Variants in SUGCT observed in about 807,000 individuals in gnomAD.
The protein encoded by SUGCT is succinyl-CoA:glutarate-CoA transferase.
In SUGCT, 41 loss-of-function variants were observed where a neutral mutation model predicts 55.0. The observed-to-expected ratio is 0.74, with a 90% CI of 0.58 to 0.97. The LOEUF (loss-of-function observed/expected upper bound fraction) is 0.97. Among genes scored for constraint, SUGCT ranks in the 50% least tolerant of loss-of-function variants. SUGCT has a pLI of 0.00. For missense variants in SUGCT, 568 were observed against 547.8 expected (o/e 1.04, Z -0.37); for synonymous variants, 187 against 200.4 (o/e 0.93, Z 0.56).
At chr7:40,982,674 A>G in the SUGCT span, among the ~76,000 whole-genome samples, 7 of 151,570 alleles carry the variant, frequency 4.6e-5, no homozygotes, top group African/African-American at 1.7e-4. Flanking sequence ...TTTATTTTTT[A>G]GATAGAATCT....
the SUGCT span, among the ~76,000 whole-genome samples, chr7:40,946,078 C>T: frequency 4.7e-5 from 7 of 150,526 alleles, no homozygotes; most frequent in South Asian, 2.1e-4. Flanking sequence ...ATGATGCACG[C>T]GATGGTGATA....
intron 9 of SUGCT, among the ~76,000 whole-genome samples, chr7:40,335,838 C>T (rs1490544348): frequency 6.6e-6 from 1 of 152,070 alleles, no homozygotes; most frequent in African/African-American, 2.4e-5. Context: ...TTTTCAAAGG[C>T]AATGCTTCCA....
chr7:40,589,521 G>T (rs1188346573), intron 12 of SUGCT, among the ~76,000 whole-genome samples: 1 of 152,118 alleles, frequency 6.6e-6, no homozygotes, highest in African/African-American at 2.4e-5. Context: ...TTTTTATAGT[G>T]GCTTTAATCC....
chr7:40,487,637 G>T (rs536351080), intron 11 of SUGCT, among the ~76,000 whole-genome samples: 2 of 151,760 alleles, frequency 1.3e-5, no homozygotes, highest in African/African-American at 4.8e-5. Context: ...TTGTATTGCC[G>T]TTAATCTCTC....
intron 12 of SUGCT, among the ~76,000 whole-genome samples, chr7:40,742,295 A>T (rs563107453): frequency 6.6e-6 from 1 of 152,324 alleles, no homozygotes; most frequent in East Asian, 1.9e-4. Context: ...AAGAAGTAAG[A>T]TAACAAAAAA....
chr7:40,640,434 C>G (rs1365822707), intron 12 of SUGCT, among the ~76,000 whole-genome samples: 3 of 151,806 alleles, frequency 2.0e-5, no homozygotes, highest in Non-Finnish European at 2.9e-5. Context: ...ATTCAACAAG[C>G]ATTCTTATCT....
the SUGCT span, among the ~76,000 whole-genome samples, chr7:40,948,353 T>C: frequency 2.0e-5 from 3 of 152,174 alleles, no homozygotes; most frequent in Admixed American, 1.3e-4. Context: ...CATCATTCCA[T>C]GATTCATGCC....
chr7:40,339,166 T>A (rs1232655939), intron 9 of SUGCT, among the ~76,000 whole-genome samples: 1 of 152,012 alleles, frequency 6.6e-6, no homozygotes, highest in East Asian at 1.9e-4. Context: ...TACTGGGGGG[T>A]ACCTCCCAGT....
At chr7:40,900,301 T>A in the SUGCT span, among the ~76,000 whole-genome samples, 1 of 152,172 alleles carries the variant, frequency 6.6e-6, no homozygotes, top group South Asian at 2.1e-4. Flanking sequence ...TGACCAAGAT[T>A]TTGAATTGTG....
At chr7:40,339,733 G>C (rs114831833) in intron 9 of SUGCT, among the ~76,000 whole-genome samples, 2,936 of 152,214 alleles carry the variant, frequency 0.019, 89 homozygotes, top group African/African-American at 0.067. Context: ...GCTCACGCTG[G>C]GTGGGCTGCA....
Position 40,860,519 on chromosome 7 carries a change from A to T in SUGCT, c.*40A>T, listed in dbSNP as rs1468226044. ...TCTTCCTCATAACCTCGATCCGAAT[A>T]CACTGGCAAAGGCAACACTTTGCTT... is the stretch of plus-strand genomic sequence containing the variant. On this transcript the variant is annotated 3_prime_UTR_variant, in exon 14 of 14. Coordinates refer to ENST00000335693, the MANE Select transcript of SUGCT (RefSeq NM_001193313.2). 3 of 1,579,652 alleles carry T rather than the reference A, an allele frequency of 1.9e-6. No individual in the cohort carries two copies. Among genetic ancestry groups the T allele is most frequent in the Non-Finnish European group, 2.6e-6 (3 of 1,160,318 alleles).
chr7:40,875,325 A>G, the SUGCT span, among the ~76,000 whole-genome samples: 1 of 152,212 alleles, frequency 6.6e-6, no homozygotes, highest in African/African-American at 2.4e-5. Flanking sequence ...TTCTGGTTTT[A>G]GTCAAAAAAG....
the SUGCT span, among the ~76,000 whole-genome samples, chr7:40,888,428 C>T: frequency 6.8e-5 from 10 of 147,884 alleles, no homozygotes; most frequent in African/African-American, 1.8e-4. Context: ...TCCAGTGTGG[C>T]GACAGAGTGA....
chr7:40,941,802 C>T, the SUGCT span, among the ~76,000 whole-genome samples: 4 of 151,988 alleles, frequency 2.6e-5, no homozygotes, highest in Non-Finnish European at 5.9e-5. Flanking sequence ...TTAAATTGAT[C>T]CTCTTATTGT....
At chr7:40,827,759 A>G (rs564230115) in intron 13 of SUGCT, among the ~76,000 whole-genome samples, 1 of 152,196 alleles carries the variant, frequency 6.6e-6, no homozygotes, top group South Asian at 2.1e-4. Flanking sequence ...CTTTGGTCTT[A>G]AGCAAGGCTG....
chr7:40,836,160 A>C (rs1436194010), intron 13 of SUGCT, among the ~76,000 whole-genome samples: 1 of 151,998 alleles, frequency 6.6e-6, no homozygotes, highest in African/African-American at 2.4e-5. Context: ...CAGCCTCCTA[A>C]AACTCTGGTA....
intron 8 of SUGCT, among the ~76,000 whole-genome samples, chr7:40,290,606 A>C (rs1030806075): frequency 2.6e-5 from 4 of 152,228 alleles, no homozygotes; most frequent in African/African-American, 9.6e-5. Context: ...CAAGGACTAC[A>C]TGTCTAAAAC....
chr7:40,270,781 G>T (rs1349832829), intron 7 of SUGCT, among the ~76,000 whole-genome samples: 1 of 152,144 alleles, frequency 6.6e-6, no homozygotes, highest in Non-Finnish European at 1.5e-5. Flanking sequence ...ATGCAGAGGA[G>T]TGTGGGAAGC....
the SUGCT span, among the ~76,000 whole-genome samples, chr7:40,937,713 G>A: frequency 2.0e-5 from 3 of 151,954 alleles, no homozygotes; most frequent in Non-Finnish European, 4.4e-5. Flanking sequence ...TAGTATGTCC[G>A]TTCTAGCTCT....
Sources: allele counts gnomAD v4.1 joint callset (sites outside exome capture counted in the v4.1 genomes callset), GRCh38; gene constraint gnomAD v4.1.1; transcripts MANE v1.5; gene names NCBI Gene and HGNC (gene_info 2026-07-23, HGNC 2026-07-21).